Variants in PACRG observed in about 807,000 individuals in gnomAD.
The protein encoded by PACRG is parkin coregulated gene protein.
In PACRG, 29 loss-of-function variants were observed where a neutral mutation model predicts 29.7. That is an observed-to-expected ratio of 0.98 (90% CI 0.73 to 1.33). The LOEUF is 1.33. PACRG is among the 40% of genes most tolerant of loss of function. PACRG has a pLI of 0.00. For synonymous variants in PACRG, 116 were observed against 118.7 expected (o/e 0.98, Z 0.15); for missense variants, 279 against 316.2 (o/e 0.88, Z 0.89).
At chr6:163,238,169 A>G (rs750569494) in intron 4 of PACRG, among the ~76,000 whole-genome samples, 4 of 152,220 alleles carry the variant, frequency 2.6e-5, no homozygotes, top group African/African-American at 4.8e-5. Flanking sequence ...TTACTCTACA[A>G]TTGAATTTAT....
intron 4 of PACRG, among the ~76,000 whole-genome samples, chr6:163,262,488 A>T (rs1254517296): frequency 6.6e-6 from 1 of 151,990 alleles, no homozygotes; most frequent in Non-Finnish European, 1.5e-5. Context: ...ATCTGATCAA[A>T]GCGAATCACT....
intron 4 of PACRG, among the ~76,000 whole-genome samples, chr6:163,158,885 T>A (rs1049275015): frequency 6.6e-6 from 1 of 152,072 alleles, no homozygotes; most frequent in Admixed American, 6.5e-5. Context: ...GCAAAACCCA[T>A]TTTGCAGTCC....
chr6:162,775,536 G>T (rs1025020426), intron 1 of PACRG, among the ~76,000 whole-genome samples: 1 of 152,142 alleles, frequency 6.6e-6, no homozygotes, highest in Non-Finnish European at 1.5e-5. Context: ...TGAGTCATAA[G>T]TAATTATGTA....
chr6:163,312,049 A>G (rs1227944884), intron 4 of PACRG, among the ~76,000 whole-genome samples: 1 of 152,194 alleles, frequency 6.6e-6, no homozygotes, highest in Non-Finnish European at 1.5e-5. Flanking sequence ...TCCATAAGGA[A>G]CTTGATCACA....
intron 1 of PACRG, among the ~76,000 whole-genome samples, chr6:162,774,569 A>G (rs1783493297): frequency 6.6e-6 from 1 of 152,224 alleles, no homozygotes; most frequent in East Asian, 1.9e-4. Context: ...AGGATATTCT[A>G]TTAACAAGAT....
chr6:162,731,356 T>C (rs759595592), intron 1 of PACRG, among the ~76,000 whole-genome samples: 4 of 152,186 alleles, frequency 2.6e-5, no homozygotes, highest in Non-Finnish European at 5.9e-5. Context: ...ATTGAAATGT[T>C]TGGGATAAAA....
rs117563946 is a variant in PACRG at position 163,086,952 on chromosome 6, T to A, written c.464-2307T>A. ...CTAGGGGCTGTGGTATAAAAACACTTCTGAGCACCCCACAAATTCTGAGGC... is the reference window on the plus strand; with the variant it reads ...CTAGGGGCTGTGGTATAAAAACACTACTGAGCACCCCACAAATTCTGAGGC... On this transcript the variant is annotated intron_variant, in intron 3 of 4. Transcript: ENST00000366888. Among the ~76,000 whole-genome samples the A allele has an allele frequency of 8.7e-3, 1,322 of 152,204 alleles. 12 individuals are homozygous for A. The highest frequency in any genetic ancestry group is 0.014 in the Non-Finnish European group (957 of 68,010).
At chr6:163,109,450 T>C (rs541491651) in intron 4 of PACRG, among the ~76,000 whole-genome samples, 30 of 152,318 alleles carry the variant, frequency 2.0e-4, no homozygotes, top group African/African-American at 7.2e-4. Flanking sequence ...CTCTCAGCAA[T>C]TCTAGGAACA....
chr6:162,850,265 A>T (rs1584537688), intron 2 of PACRG, among the ~76,000 whole-genome samples: 1 of 152,356 alleles, frequency 6.6e-6, no homozygotes, highest in East Asian at 1.9e-4. Flanking sequence ...TTGGCTTTCT[A>T]ATGTGATAGA....
At chr6:163,004,737 TACAC>T (rs146095540) in intron 2 of PACRG, among the ~76,000 whole-genome samples, 34 of 135,490 alleles carry the variant, frequency 2.5e-4, no homozygotes, top group East Asian at 6.6e-4. Context: ...TATATATATA[TACAC>T]ACACACACAC....
At chr6:162,747,557 A>T (rs1007604058) in intron 1 of PACRG, among the ~76,000 whole-genome samples, 3 of 144,828 alleles carry the variant, frequency 2.1e-5, no homozygotes, top group Non-Finnish European at 3.0e-5. Context: ...AGCATGTATC[A>T]GCACCAGTAC....
intron 4 of PACRG, chr6:163,166,321 A>G: frequency 2.4e-6 from 1 of 411,386 alleles, no homozygotes; most frequent in South Asian, 1.8e-5. Context: ...TTTCAACAGC[A>G]GTGAAAGAAT....
chr6:162,900,352 C>T (rs1045998364), intron 2 of PACRG, among the ~76,000 whole-genome samples: 1 of 152,164 alleles, frequency 6.6e-6, no homozygotes, highest in African/African-American at 2.4e-5. Context: ...ATTCTACCCT[C>T]ACTTCTTCAA....
intron 4 of PACRG, among the ~76,000 whole-genome samples, chr6:163,227,016 T>C (rs1781832384): frequency 6.6e-6 from 1 of 152,130 alleles, no homozygotes; most frequent in East Asian, 1.9e-4. Context: ...AAAATAATGG[T>C]AAACCACATA....
At chr6:162,981,466 G>A (rs1168536760) in intron 2 of PACRG, among the ~76,000 whole-genome samples, 7 of 151,788 alleles carry the variant, frequency 4.6e-5, no homozygotes, top group African/African-American at 7.3e-5. Context: ...GTCAGGTAAC[G>A]TGATGCCTCC....
chr6:162,846,879 T>G (rs1174810859), intron 2 of PACRG, among the ~76,000 whole-genome samples: 1 of 145,942 alleles, frequency 6.9e-6, no homozygotes, highest in Non-Finnish European at 1.5e-5. Context: ...ACCGCTGCTC[T>G]CCACACTGAC....
intron 2 of PACRG, among the ~76,000 whole-genome samples, chr6:162,907,518 T>G (rs2128070027): frequency 6.6e-6 from 1 of 152,166 alleles, no homozygotes; most frequent in Admixed American, 6.5e-5. Flanking sequence ...GCCATTAGAT[T>G]TTAGTCCTCA....
rs189610104 is a variant in PACRG, at chr6:162,962,132, A to G, written c.292-100018A>G. Among the ~76,000 whole-genome samples the G allele has an allele frequency of 2.5e-3, 386 of 152,070 alleles. 2 individuals are homozygous for G. The highest frequency in any genetic ancestry group is 8.7e-3 in the African/African-American group (361 of 41,498). On this transcript the variant is annotated intron_variant, in intron 2 of 4. Transcript: ENST00000366888. ...CTGAACCCTTTTCTGGCCCTACCTC[A>G]TTTAACCTCTGACACTTATGGGCCT...
intron 2 of PACRG, among the ~76,000 whole-genome samples, chr6:162,815,230 T>C (rs1787232167): frequency 6.6e-6 from 1 of 152,060 alleles, no homozygotes; most frequent in African/African-American, 2.4e-5. Context: ...AACTGGGAAG[T>C]CCAGCAGTCG....
Sources: gnomAD v4.1 joint callset for allele counts (sites outside exome capture counted in the v4.1 genomes callset) on GRCh38, gnomAD v4.1.1 for gene constraint, MANE v1.5 for transcripts, NCBI Gene and HGNC (gene_info 2026-07-23, HGNC 2026-07-21) for gene names.